FAF1: variants seen among roughly 807,000 people sequenced by gnomAD.
FAF1 encodes Fas associated factor 1.
FAF1 carries 25 observed loss-of-function variants against 92.5 expected under a neutral mutation model. That is an observed-to-expected ratio of 0.27 (90% CI 0.20 to 0.38). The LOEUF (loss-of-function observed/expected upper bound fraction) is 0.38, where lower values mean the gene tolerates loss of function less well. FAF1 is among the 10% of genes least tolerant of loss of function. The pLI is 1.00. For missense variants in FAF1, 636 were observed against 793.3 expected, an observed-to-expected ratio of 0.80 and a Z score of 2.38; for synonymous variants, 234 against 273.2, an observed-to-expected ratio of 0.86 and a Z score of 1.42.
At chr1:50,475,779 T>G (rs1646633078) in intron 17 of FAF1, 100 bp from the exon 18 acceptor site, 2 of 717,048 alleles carry the variant, frequency 2.8e-6, no homozygotes, top group South Asian at 4.4e-5. Flanking sequence ...TTCTAGAAAT[T>G]CATTGAAAAG....
chr1:50,810,725 A>C (rs917232345), intron 2 of FAF1, among the ~76,000 whole-genome samples: 3 of 152,222 alleles, frequency 2.0e-5, no homozygotes, highest in Non-Finnish European at 2.9e-5. Context: ...AAACAACTCC[A>C]GCAACATTTC....
chr1:50,805,105 A>T (rs1222319259), intron 2 of FAF1, among the ~76,000 whole-genome samples: 1 of 152,230 alleles, frequency 6.6e-6, no homozygotes, highest in Non-Finnish European at 1.5e-5. Context: ...TGATAGACTG[A>T]TTAAATATTT....
Position 50,697,514 on chromosome 1 carries a change from G to A in FAF1, c.657+8272C>T, listed in dbSNP as rs796395826. ...TCTGTTTTGGTTAAGCTACAGGGCC[G>A]TATATAGGAACAGCTGCACTTTGGG... On this transcript the variant is annotated intron_variant, in intron 7 of 18. Coordinates refer to ENST00000396153, the MANE Select transcript of FAF1 (RefSeq NM_007051.3). 4.6e-5 allele frequency among the ~76,000 whole-genome samples: 7 copies of A among 152,126 alleles called. No homozygotes were observed. The South Asian group carries it at 6.2e-4, about 14-fold the overall frequency.
At chr1:50,572,089 T>C (rs578102549) in intron 12 of FAF1, among the ~76,000 whole-genome samples, 1 of 152,210 alleles carries the variant, frequency 6.6e-6, no homozygotes, top group African/African-American at 2.4e-5. Context: ...TTTTCCCTCA[T>C]CATTATCATC....
At chr1:50,629,504 TG>T (rs1653664613) in intron 8 of FAF1, among the ~76,000 whole-genome samples, 1 of 152,134 alleles carries the variant, frequency 6.6e-6, no homozygotes, top group African/African-American at 2.4e-5. Context: ...TCTCTGACTG[TG>T]CATAATAGGT....
rs1557506291 is a variant in FAF1 at position 50,746,245 on chromosome 1, A to AATATATATATATAT, written c.368-1471_368-1470insATATATATATATAT. ...GTGAGCAAAGAAATGACCTGAAACG[A>AATATATATATATAT]ACATATATATATATATATATATATA... is the stretch of plus-strand genomic sequence containing the variant. On this transcript the variant is annotated intron_variant, in intron 4 of 18. Transcript: ENST00000396153. Among the ~76,000 whole-genome samples, 2 of 71,532 alleles carry AATATATATATATAT rather than the reference A, an allele frequency of 2.8e-5. 1 individual carries two copies. The highest frequency in any genetic ancestry group is 5.0e-5 in the Non-Finnish European group (2 of 40,092). The allele number at this position is 71,532 out of a possible 152,430, so 46.9% of individuals were successfully genotyped here.
intron 18 of FAF1, among the ~76,000 whole-genome samples, chr1:50,458,020 C>G (rs1646377988): frequency 6.6e-6 from 1 of 151,944 alleles, no homozygotes; most frequent in South Asian, 2.1e-4. Flanking sequence ...TCAAAACCAG[C>G]TTGACCAACA....
chr1:50,676,826 T>C (rs1021683523), intron 7 of FAF1, among the ~76,000 whole-genome samples: 2 of 152,080 alleles, frequency 1.3e-5, no homozygotes, highest in African/African-American at 4.8e-5. Flanking sequence ...CATCTAAATA[T>C]ATATATGCAT....
intron 7 of FAF1, among the ~76,000 whole-genome samples, chr1:50,694,359 G>C (rs1187678068): frequency 6.6e-6 from 1 of 151,892 alleles, no homozygotes; most frequent in East Asian, 1.9e-4. Context: ...AGAAACAAAT[G>C]CTAATAGCAT....
At chr1:50,750,811 C>CGG (rs1659831580) in intron 4 of FAF1, among the ~76,000 whole-genome samples, 1 of 151,084 alleles carries the variant, frequency 6.6e-6, no homozygotes, top group Non-Finnish European at 1.5e-5. Flanking sequence ...TTAGTAGAGA[C>CGG]GGGGGTTAAC....
chr1:50,776,193 C>T (rs1357604895), intron 4 of FAF1, among the ~76,000 whole-genome samples: 2 of 152,182 alleles, frequency 1.3e-5, no homozygotes, highest in Non-Finnish European at 1.5e-5. Context: ...TTATCATCCA[C>T]TGTAAAAGCT....
rs147141113 is a variant in FAF1 at position 50,945,899 on chromosome 1, A to G, written c.45+13868T>C. ...ACATCCATTATCAGTCTGCATAGCT[A>G]GTACAGAGGCTGAACAGCCCTAGAA... On this transcript the variant is annotated intron_variant, in intron 1 of 18. Transcript: ENST00000396153. Among the ~76,000 whole-genome samples, 679 of 152,350 alleles carry G rather than the reference A, an allele frequency of 4.5e-3. 8 individuals carry two copies. Among genetic ancestry groups the G allele is most frequent in the African/African-American group, 0.015 (615 of 41,574 alleles).
chr1:50,943,657 A>G (rs1645151715), intron 1 of FAF1, among the ~76,000 whole-genome samples: 1 of 152,062 alleles, frequency 6.6e-6, no homozygotes. Flanking sequence ...GGTGTGCCTA[A>G]ATAACTAATC....
intron 8 of FAF1, among the ~76,000 whole-genome samples, 193 bp from the exon 9 acceptor site, chr1:50,596,409 G>A (rs1323646525): frequency 6.6e-6 from 1 of 152,148 alleles, no homozygotes; most frequent in Admixed American, 6.5e-5. Flanking sequence ...TGGTAGCTAA[G>A]GCTAATTTTC....
chr1:50,655,699 A>C (rs1655075236), intron 7 of FAF1, among the ~76,000 whole-genome samples, 171 bp from the exon 8 acceptor site: 1 of 152,222 alleles, frequency 6.6e-6, no homozygotes, highest in Admixed American at 6.5e-5. Context: ...AACAAAATCA[A>C]ATTTAAAAGC....
chr1:50,617,054 G>C (rs769222416), intron 8 of FAF1, among the ~76,000 whole-genome samples: 9 of 152,170 alleles, frequency 5.9e-5, no homozygotes, highest in Non-Finnish European at 1.0e-4. Flanking sequence ...AGAGTCCTTA[G>C]GGTTTTCTAG....
intron 1 of FAF1, among the ~76,000 whole-genome samples, chr1:50,884,323 T>A (rs1031900320): frequency 3.3e-5 from 5 of 151,110 alleles, no homozygotes; most frequent in African/African-American, 9.8e-5. Flanking sequence ...AAGACTAGCC[T>A]GGCCAACAGG....
chr1:50,931,108 C>G (rs1195364680), intron 1 of FAF1, among the ~76,000 whole-genome samples: 1 of 152,132 alleles, frequency 6.6e-6, no homozygotes, highest in South Asian at 2.1e-4. Context: ...TAATTTTCAT[C>G]CAACCTGATG....
chr1:50,819,318 G>GT (rs1341433627), intron 2 of FAF1, among the ~76,000 whole-genome samples: 2 of 151,890 alleles, frequency 1.3e-5, no homozygotes, highest in Admixed American at 6.6e-5. Flanking sequence ...TTTAAAATCC[G>GT]TATGTTTTAC....
Sources: allele counts gnomAD v4.1 joint callset (sites outside exome capture counted in the v4.1 genomes callset), GRCh38; gene constraint gnomAD v4.1.1; transcripts MANE v1.5; gene names NCBI Gene and HGNC (gene_info 2026-07-23, HGNC 2026-07-21).